The following RSPH9 variants were observed in gnomAD, a reference collection of about 807,000 sequenced individuals.
RSPH9 encodes the protein radial spoke head component 9.
A neutral mutation model predicts 27.0 loss-of-function variants in RSPH9; 27 were observed. That is an observed-to-expected ratio of 1.00 (90% CI 0.74 to 1.38). RSPH9 has a LOEUF of 1.38. Among genes scored for constraint, RSPH9 ranks in the 40% most tolerant of loss-of-function variants. RSPH9 has a pLI of 0.00. For missense variants in RSPH9, 347 were observed against 357.4 expected (o/e 0.97, Z 0.24); for synonymous variants, 145 against 147.7 (o/e 0.98, Z 0.13).
chr6:43,670,455 T>C (rs73428699), intron 4 of RSPH9, among the ~76,000 whole-genome samples: 5,763 of 152,100 alleles, frequency 0.038, 363 homozygotes, highest in African/African-American at 0.13. Context: ...TCAGAAAAGT[T>C]AGCTGGGTAT....
At chr6:43,658,017 C>T (rs1336279205) in intron 4 of RSPH9, among the ~76,000 whole-genome samples, 1 of 152,120 alleles carries the variant, frequency 6.6e-6, no homozygotes, top group African/African-American at 2.4e-5. Flanking sequence ...CAGCCGGGTG[C>T]GGTGGCTCAC....
At chr6:43,666,360 C>A in intron 4 of RSPH9, 1 of 1,294,638 alleles carries the variant, frequency 7.7e-7, no homozygotes, top group Non-Finnish European at 1.1e-6. Context: ...GACACCAGGA[C>A]TGGCTGGAGG....
At chr6:43,654,170 T>A (rs541693731) in intron 2 of RSPH9, among the ~76,000 whole-genome samples, 8 of 152,204 alleles carry the variant, frequency 5.3e-5, no homozygotes, top group Non-Finnish European at 5.9e-5. Context: ...GGCAAATAGG[T>A]GGCTCCGTGA....
At chr6:43,653,576 C>G (rs1771705948) in intron 2 of RSPH9, among the ~76,000 whole-genome samples, 1 of 152,066 alleles carries the variant, frequency 6.6e-6, no homozygotes, top group Non-Finnish European at 1.5e-5. Flanking sequence ...CAATACAATC[C>G]CAGAATTCAA....
At chr6:43,663,082 A>C (rs1451972637) in intron 4 of RSPH9, among the ~76,000 whole-genome samples, 2 of 152,184 alleles carry the variant, frequency 1.3e-5, no homozygotes. Context: ...ACAGGGATGA[A>C]CCACCATGCC....
At chr6:43,648,794 C>T (rs1456919943) in intron 1 of RSPH9, among the ~76,000 whole-genome samples, 2 of 152,026 alleles carry the variant, frequency 1.3e-5, no homozygotes, top group African/African-American at 2.4e-5. Context: ...ACAGACTAGG[C>T]AGTAGCTGGG....
chr6:43,661,727 T>G (rs1772648875), intron 4 of RSPH9, among the ~76,000 whole-genome samples: 1 of 151,108 alleles, frequency 6.6e-6, no homozygotes, highest in Admixed American at 6.6e-5. Context: ...GGCTGTTTCA[T>G]CTCCATTAAA....
At chr6:43,664,395 CTTA>C (rs1329044398) in intron 4 of RSPH9, among the ~76,000 whole-genome samples, 1 of 152,148 alleles carries the variant, frequency 6.6e-6, no homozygotes. Context: ...TGCACCTGGC[CTTA>C]TTATTAATTT....
At chr6:43,649,176 G>GTTCTGT (rs1771183945) in intron 1 of RSPH9, among the ~76,000 whole-genome samples, 1 of 151,624 alleles carries the variant, frequency 6.6e-6, no homozygotes, top group Admixed American at 6.6e-5. Flanking sequence ...GTTTTTTTTT[G>GTTCTGT]TTTTGTTTTT....
intron 3 of RSPH9, 77 bp downstream of exon 3, chr6:43,655,768 A>G (rs1771940049): frequency 2.0e-6 from 3 of 1,523,358 alleles, no homozygotes; most frequent in African/African-American, 1.4e-5. Context: ...CTGGGAGTCC[A>G]GCAGGGGGGC....
chr6:43,664,324 G>A (rs1210063389), intron 4 of RSPH9, among the ~76,000 whole-genome samples: 3 of 152,096 alleles, frequency 2.0e-5, no homozygotes, highest in African/African-American at 7.2e-5. Flanking sequence ...TCTGCCTCCC[G>A]GGTTTGAGTG....
chr6:43,664,003 T>G (rs1772885210), intron 4 of RSPH9, among the ~76,000 whole-genome samples: 1 of 144,096 alleles, frequency 6.9e-6, no homozygotes, highest in African/African-American at 2.6e-5. Context: ...CACTCCAGCC[T>G]GGGTGACAGA....
chr6:43,649,493 T>C (rs1426730338), intron 1 of RSPH9, among the ~76,000 whole-genome samples: 1 of 151,970 alleles, frequency 6.6e-6, no homozygotes, highest in East Asian at 1.9e-4. Flanking sequence ...GCCATTTTTA[T>C]GTTAAGGGGG....
intron 1 of RSPH9, among the ~76,000 whole-genome samples, chr6:43,648,664 C>T (rs534811055): frequency 2.0e-5 from 3 of 152,114 alleles, no homozygotes; most frequent in African/African-American, 7.2e-5. Flanking sequence ...GGGGACTAGT[C>T]CAAAGGGGGA....
intron 1 of RSPH9, among the ~76,000 whole-genome samples, chr6:43,649,987 C>T (rs1008970548): frequency 3.3e-5 from 5 of 152,152 alleles, no homozygotes; most frequent in African/African-American, 4.8e-5. Flanking sequence ...AGTCGTGGCT[C>T]ACTGCAACCT....
intron 1 of RSPH9, among the ~76,000 whole-genome samples, chr6:43,649,167 T>G (rs1183920562): frequency 6.6e-6 from 1 of 151,110 alleles, no homozygotes; most frequent in Non-Finnish European, 1.5e-5. Flanking sequence ...GGCTGAGCAG[T>G]TTTTTTTTGT....
intron 4 of RSPH9, among the ~76,000 whole-genome samples, chr6:43,658,734 C>T (rs749358563): frequency 2.0e-5 from 3 of 152,018 alleles, no homozygotes; most frequent in Admixed American, 6.6e-5. Flanking sequence ...TTTTAGTAGA[C>T]GGGGTTTCAC....
intron 4 of RSPH9, among the ~76,000 whole-genome samples, chr6:43,661,164 T>C (rs1772568965): frequency 6.6e-6 from 1 of 152,222 alleles, no homozygotes; most frequent in Non-Finnish European, 1.5e-5. Flanking sequence ...ACAGACATGC[T>C]GTCATCCAGG....
intron 4 of RSPH9, among the ~76,000 whole-genome samples, chr6:43,661,446 A>G (rs1772606593): frequency 6.6e-6 from 1 of 152,130 alleles, no homozygotes; most frequent in Non-Finnish European, 1.5e-5. Context: ...GGATCACCTG[A>G]GGTCAGGAGT....
Sources: allele counts gnomAD v4.1 joint callset (sites outside exome capture counted in the v4.1 genomes callset), GRCh38; gene constraint gnomAD v4.1.1; transcripts MANE v1.5; gene names NCBI Gene and HGNC (gene_info 2026-07-23, HGNC 2026-07-21).